The following NEDD4 variants were observed in gnomAD, a reference collection of about 807,000 sequenced individuals.
The protein encoded by NEDD4 is NEDD4 E3 ubiquitin protein ligase, also known as E3 ubiquitin-protein ligase NEDD4.
A neutral mutation model predicts 144.9 loss-of-function variants in NEDD4; 99 were observed. The observed-to-expected ratio is 0.68, with a 90% CI of 0.58 to 0.81. The LOEUF (loss-of-function observed/expected upper bound fraction) is 0.81. NEDD4 is among the 30% of genes least tolerant of loss of function. NEDD4 has a pLI of 0.00. For missense variants in NEDD4, 985 were observed against 1,065.9 expected, an observed-to-expected ratio of 0.92 and a Z score of 1.06; for synonymous variants, 318 against 350.6, an observed-to-expected ratio of 0.91 and a Z score of 1.04.
At chr15:55,934,304 C>CT (rs1354930656) in intron 4 of NEDD4, among the ~76,000 whole-genome samples, 1 of 152,070 alleles carries the variant, frequency 6.6e-6, no homozygotes, top group African/African-American at 2.4e-5. Flanking sequence ...TACTTCATTC[C>CT]TTTTTATTGA....
chr15:55,934,178 T>TA (rs1166232044), intron 4 of NEDD4, among the ~76,000 whole-genome samples: 5 of 152,184 alleles, frequency 3.3e-5, no homozygotes. Context: ...AATGATAATT[T>TA]AAAAAAATTA....
chr15:55,955,814 A>ATTTTTT (rs71297639), intron 2 of NEDD4, among the ~76,000 whole-genome samples: 1 of 130,270 alleles, frequency 7.7e-6, no homozygotes, highest in Non-Finnish European at 1.6e-5. Flanking sequence ...TCTATACTAC[A>ATTTTTT]TTTTTTTTTT....
At chr15:55,944,540 A>C (rs1566963207) in intron 4 of NEDD4, among the ~76,000 whole-genome samples, 1 of 152,124 alleles carries the variant, frequency 6.6e-6, no homozygotes, top group African/African-American at 2.4e-5. Context: ...GCCTATATAG[A>C]CTCAACCTCT....
chr15:55,916,375 T>C (rs748609751), intron 5 of NEDD4: 17 of 1,613,974 alleles, frequency 1.1e-5, no homozygotes, highest in Non-Finnish European at 1.4e-5. Flanking sequence ...GTTGAAAAGT[T>C]ACTAAGGCTA....
At chr15:55,893,755 A>G (rs1171584380) in intron 5 of NEDD4, among the ~76,000 whole-genome samples, 1 of 149,866 alleles carries the variant, frequency 6.7e-6, no homozygotes, top group East Asian at 1.9e-4. Context: ...ATTATTTTAA[A>G]TGAACATCCT....
chr15:55,889,891 T>C (rs1201855252), intron 5 of NEDD4, among the ~76,000 whole-genome samples: 1 of 151,958 alleles, frequency 6.6e-6, no homozygotes, highest in Non-Finnish European at 1.5e-5. Flanking sequence ...TTAGTAGAGA[T>C]GGGGTTTCAC....
chr15:55,948,611 G>C (rs1204478443), intron 4 of NEDD4, among the ~76,000 whole-genome samples: 1 of 152,186 alleles, frequency 6.6e-6, no homozygotes, highest in South Asian at 2.1e-4. Context: ...CAGAGATACA[G>C]ACCAATGGAA....
chr15:55,837,901 G>A, intron 23 of NEDD4, 52 bp from the exon 24 acceptor site: 10 of 1,429,808 alleles, frequency 7.0e-6, no homozygotes, highest in Middle Eastern at 1.8e-4. Context: ...AAATTCTGAG[G>A]CACAATTATT....
At chr15:55,916,827 GC>G (rs758594687) in intron 5 of NEDD4, 49 of 1,592,082 alleles carry the variant, frequency 3.1e-5, no homozygotes, top group Non-Finnish European at 3.9e-5. Context: ...TAAGCTTTGT[GC>G]CATTTGTTCT....
intron 5 of NEDD4, chr15:55,915,815 TCTTA>T: frequency 6.2e-7 from 1 of 1,613,834 alleles, no homozygotes; most frequent in Non-Finnish European, 8.5e-7. Flanking sequence ...GCCGTATGTC[TCTTA>T]CTTCTCCGGG....
Position 55,886,603 on chromosome 15 carries a change from A to G in NEDD4, c.292-12595T>C, listed in dbSNP as rs113766301. ...CATGGTGAAACCCCATCTCTACTAA[A>G]AATACAAAAAATTAGCAGAGCGTGC... is the stretch of plus-strand genomic sequence containing the variant. On this transcript the variant is annotated intron_variant, in intron 5 of 28. Transcript: ENST00000435532. Among the ~76,000 whole-genome samples, 2 of 152,160 alleles carry G rather than the reference A, an allele frequency of 1.3e-5. 1 individual carries two copies. The highest frequency in any genetic ancestry group is 4.8e-5 in the African/African-American group (2 of 41,516).
At chr15:55,914,631 G>A (rs1215513315) in intron 5 of NEDD4, among the ~76,000 whole-genome samples, 2 of 151,906 alleles carry the variant, frequency 1.3e-5, no homozygotes, top group Non-Finnish European at 2.9e-5. Flanking sequence ...AAGAAAAATA[G>A]GGTGGAAACA....
At chr15:55,868,958 G>A (rs878993684) in intron 8 of NEDD4, among the ~76,000 whole-genome samples, 1 of 152,078 alleles carries the variant, frequency 6.6e-6, no homozygotes, top group African/African-American at 2.4e-5. Flanking sequence ...TGTGCAACTA[G>A]GATTCCAGTC....
chr15:55,869,533 G>T, intron 8 of NEDD4, 46 bp downstream of exon 8: 2 of 1,137,474 alleles, frequency 1.8e-6, no homozygotes, highest in Admixed American at 2.2e-5. Context: ...AGTAAAATAA[G>T]AAATTAAAAT....
At chr15:55,895,958 G>A (rs146984055) in intron 5 of NEDD4, among the ~76,000 whole-genome samples, 93 of 152,272 alleles carry the variant, frequency 6.1e-4, no homozygotes, top group African/African-American at 2.2e-3. Flanking sequence ...ATCTGTCAAT[G>A]GGGTAGGTTT....
intron 4 of NEDD4, among the ~76,000 whole-genome samples, chr15:55,947,879 T>C: frequency 6.6e-6 from 1 of 152,188 alleles, no homozygotes; most frequent in Non-Finnish European, 1.5e-5. Flanking sequence ...GCATTCCCTT[T>C]GAAAACTGGC....
At chr15:55,886,967 T>A (rs2035413284) in intron 5 of NEDD4, among the ~76,000 whole-genome samples, 1 of 151,072 alleles carries the variant, frequency 6.6e-6, no homozygotes, top group Non-Finnish European at 1.5e-5. Flanking sequence ...AAGAATAACA[T>A]ACCAAAACCT....
At chr15:55,958,661 C>T (rs958716491) in intron 2 of NEDD4, among the ~76,000 whole-genome samples, 1 of 152,042 alleles carries the variant, frequency 6.6e-6, no homozygotes, top group South Asian at 2.1e-4. Context: ...ACAACAAATT[C>T]AATTTCTTTT....
At chr15:55,894,080 C>G (rs2035659919) in intron 5 of NEDD4, among the ~76,000 whole-genome samples, 2 of 152,004 alleles carry the variant, frequency 1.3e-5, no homozygotes, top group Admixed American at 1.3e-4. Context: ...GCTTTGGAAA[C>G]TGGATATCTT....
Sources: gnomAD v4.1 joint callset for allele counts (sites outside exome capture counted in the v4.1 genomes callset) on GRCh38, gnomAD v4.1.1 for gene constraint, MANE v1.5 for transcripts, NCBI Gene and HGNC (gene_info 2026-07-23, HGNC 2026-07-21) for gene names.